Variants in DOCK1 observed in about 807,000 individuals in gnomAD.
DOCK1 encodes the protein dedicator of cytokinesis 1, also known as dedicator of cytokinesis protein 1.
DOCK1 carries 138 observed loss-of-function variants against 262.7 expected under a neutral mutation model. That is an observed-to-expected ratio of 0.53 (90% confidence interval 0.46 to 0.61). DOCK1 has a LOEUF of 0.61. DOCK1 is among the 20% of genes least tolerant of loss of function. The pLI, the probability that DOCK1 is intolerant of heterozygous loss-of-function variation, is 0.00. For synonymous variants in DOCK1, 866 were observed against 867.4 expected, an observed-to-expected ratio of 1.00 and a Z score of 0.03; for missense variants, 1,908 against 2,370.7, an observed-to-expected ratio of 0.80 and a Z score of 4.05.
chr10:127,335,378 A>G (rs2135700550), intron 29 of DOCK1, among the ~76,000 whole-genome samples: 1 of 152,258 alleles, frequency 6.6e-6, no homozygotes, highest in East Asian at 1.9e-4. Flanking sequence ...GGAGCCCCTC[A>G]TTTCATTTGG....
chr10:126,913,702 A>C (rs1591294505), intron 1 of DOCK1, among the ~76,000 whole-genome samples: 1 of 152,218 alleles, frequency 6.6e-6, no homozygotes, highest in African/African-American at 2.4e-5. Flanking sequence ...CCCTGTCTTC[A>C]AAAGGCAGAT....
chr10:126,949,474 G>T (rs1458682294), intron 1 of DOCK1, among the ~76,000 whole-genome samples: 1 of 152,132 alleles, frequency 6.6e-6, no homozygotes, highest in Non-Finnish European at 1.5e-5. Context: ...GTGAGGGAGG[G>T]TTGGTCCTAT....
At chr10:127,205,869 C>G (rs1415986185) in intron 27 of DOCK1, among the ~76,000 whole-genome samples, 1 of 152,160 alleles carries the variant, frequency 6.6e-6, no homozygotes, top group African/African-American at 2.4e-5. Context: ...CATGAATAGT[C>G]TCTCTGTTTG....
At chr10:127,045,419 G>A (rs1024896041) in intron 21 of DOCK1, among the ~76,000 whole-genome samples, 6 of 152,090 alleles carry the variant, frequency 3.9e-5, no homozygotes, top group South Asian at 2.1e-4. Context: ...ATGGAAGGTC[G>A]CCTCCGCATT....
intron 27 of DOCK1, among the ~76,000 whole-genome samples, chr10:127,151,667 G>A (rs541659522): frequency 2.0e-5 from 3 of 152,220 alleles, no homozygotes; most frequent in South Asian, 2.1e-4. Context: ...AAAAGTTCTC[G>A]ATGAGTAGTC....
intron 27 of DOCK1, among the ~76,000 whole-genome samples, chr10:127,217,544 G>C (rs12359365): frequency 0.1 from 15,282 of 152,162 alleles, 1,025 homozygotes; most frequent in Non-Finnish European, 0.15. Flanking sequence ...TAAATTTTGA[G>C]TTCACTTAAC....
chr10:127,219,561 T>G (rs2058342394), intron 27 of DOCK1, among the ~76,000 whole-genome samples: 1 of 152,298 alleles, frequency 6.6e-6, no homozygotes, highest in East Asian at 1.9e-4. Flanking sequence ...CATTCACATT[T>G]GTGCATGACT....
chr10:127,240,447 G>A (rs981469825), intron 27 of DOCK1, among the ~76,000 whole-genome samples: 3 of 151,920 alleles, frequency 2.0e-5, no homozygotes, highest in Non-Finnish European at 4.4e-5. Flanking sequence ...TGTTTATATG[G>A]GAAAGGTTTT....
At chr10:126,992,737 G>GACACACACACACACTC (rs2039880059) in intron 6 of DOCK1, among the ~76,000 whole-genome samples, 1 of 133,338 alleles carries the variant, frequency 7.5e-6, no homozygotes, top group African/African-American at 2.9e-5. Flanking sequence ...CCCCAACACA[G>GACACACACACACACTC]ACACACACAC....
intron 27 of DOCK1, among the ~76,000 whole-genome samples, chr10:127,177,695 C>T (rs759905205): frequency 3.3e-5 from 5 of 152,330 alleles, no homozygotes; most frequent in African/African-American, 4.8e-5. Context: ...GTCTGAAAAA[C>T]CAGCCCAGAG....
At chr10:126,956,346 G>C (rs2036735769) in intron 1 of DOCK1, among the ~76,000 whole-genome samples, 1 of 152,212 alleles carries the variant, frequency 6.6e-6, no homozygotes, top group Non-Finnish European at 1.5e-5. Context: ...ATCTGAGAGT[G>C]ACTTCGTACC....
intron 27 of DOCK1, among the ~76,000 whole-genome samples, chr10:127,174,536 T>C (rs931068188): frequency 6.6e-6 from 1 of 152,186 alleles, no homozygotes; most frequent in Non-Finnish European, 1.5e-5. Context: ...AATAAAGTAT[T>C]GGCCGTGAAG....
chr10:127,040,688 A>G (rs1373853502), intron 19 of DOCK1, among the ~76,000 whole-genome samples: 1 of 152,190 alleles, frequency 6.6e-6, no homozygotes, highest in Non-Finnish European at 1.5e-5. Context: ...ATCTGAACCA[A>G]ACACCTGACC....
chr10:127,033,419 A>T (rs1237200065), intron 18 of DOCK1, among the ~76,000 whole-genome samples: 2 of 152,154 alleles, frequency 1.3e-5, no homozygotes, highest in African/African-American at 4.8e-5. Context: ...GGTACTTCTT[A>T]TTCAGAGCAC....
At position 127,054,111 on chromosome 10, in the gene DOCK1, G is replaced by A. The variant is rs985556267; in HGVS notation, c.2336+1296G>A. ...TGTGGGCCCACATCAGTGCCTTCCCGTTTCCTCCTCACTGTGTTTTCGTTT... is the reference window on the plus strand; with the variant it reads ...TGTGGGCCCACATCAGTGCCTTCCCATTTCCTCCTCACTGTGTTTTCGTTT... On this transcript the variant is annotated intron_variant, in intron 22 of 51. Coordinates refer to ENST00000623213, the MANE Select transcript of DOCK1 (RefSeq NM_001290223.2). 3.3e-5 allele frequency among the ~76,000 whole-genome samples: 5 copies of A among 152,180 alleles called. No individual in the cohort carries two copies. In the South Asian group the frequency reaches 6.2e-4, roughly 19 times the overall value.
At chr10:127,439,368 CT>C in intron 49 of DOCK1, 143 bp downstream of exon 49, 1 of 818,282 alleles carries the variant, frequency 1.2e-6, no homozygotes, top group South Asian at 1.8e-5. Context: ...TCCTCCTCCC[CT>C]AACCTCAAAT....
rs766171187 is a variant in DOCK1 at position 126,997,937 on chromosome 10, G to A, written c.610-155G>A. On this transcript the variant is annotated intron_variant, in intron 7 of 51. Transcript: ENST00000623213. ...TCTGTTGTGTGAATGCATGATTTAA[G>A]AATGTGCAGGGGAGATAAGAAAGTG... The A allele has an allele frequency of 2.5e-4, 225 of 906,404 alleles. 1 individual carries two copies. The highest frequency in any genetic ancestry group is 2.9e-4 in the Non-Finnish European group (175 of 609,598). 56.1% of individuals were successfully genotyped at this position (906,404 alleles called of 1,614,324 possible).
intron 29 of DOCK1, among the ~76,000 whole-genome samples, chr10:127,262,115 GGTGT>G (rs1335837739): frequency 2.1e-4 from 23 of 110,602 alleles, no homozygotes; most frequent in Non-Finnish European, 3.7e-4. Context: ...TGTGCATGTG[GGTGT>G]GTGTGTGTGT....
chr10:126,958,926 C>T (rs1160414622), intron 1 of DOCK1, among the ~76,000 whole-genome samples: 1 of 152,188 alleles, frequency 6.6e-6, no homozygotes, highest in Non-Finnish European at 1.5e-5. Flanking sequence ...ACATGTGCCC[C>T]AGGCGGTCGG....
Sources: allele counts gnomAD v4.1 joint callset (sites outside exome capture counted in the v4.1 genomes callset), GRCh38; gene constraint gnomAD v4.1.1; transcripts MANE v1.5; gene names NCBI Gene and HGNC (gene_info 2026-07-23, HGNC 2026-07-21).